Variants in NRAP observed in about 807,000 individuals in gnomAD.
The protein encoded by NRAP is nebulin-related-anchoring protein.
NRAP carries 189 observed loss-of-function variants against 225.9 expected under a neutral mutation model. The ratio of observed to expected loss-of-function variants is 0.84; its 90% CI spans 0.74 to 0.94. The LOEUF (loss-of-function observed/expected upper bound fraction) is 0.94. Among genes scored for constraint, NRAP ranks in the 40% least tolerant of loss-of-function variants. NRAP has a pLI of 0.00. For synonymous variants in NRAP, 769 were observed against 790.7 expected (o/e 0.97, Z 0.46); for missense variants, 2,176 against 2,168.7 (o/e 1.00, Z -0.07).
chr10:113,644,112 A>T (rs922172489), intron 11 of NRAP, among the ~76,000 whole-genome samples: 4 of 128,128 alleles, frequency 3.1e-5, no homozygotes, highest in Non-Finnish European at 4.7e-5. Flanking sequence ...GCGCCATTGC[A>T]CTCCAGCCTG....
intron 14 of NRAP, among the ~76,000 whole-genome samples, chr10:113,637,053 T>A (rs1417663957): frequency 6.7e-6 from 1 of 150,128 alleles, no homozygotes; most frequent in East Asian, 2.0e-4. Context: ...GAGAAATAGG[T>A]CTAATAGCCA....
intron 3 of NRAP, 110 bp from the exon 4 acceptor site, chr10:113,657,684 G>A (rs1850391830): frequency 7.1e-6 from 5 of 703,996 alleles, no homozygotes; most frequent in South Asian, 6.2e-5. Context: ...CAACTGCAAA[G>A]CATCTTCACT....
chr10:113,608,315 A>T (rs1313005440), intron 32 of NRAP, 99 bp downstream of exon 32: 1 of 712,692 alleles, frequency 1.4e-6, no homozygotes. Flanking sequence ...CCTCCACATA[A>T]ACACCCATGC....
At chr10:113,597,840 C>T (rs2133854934) in intron 36 of NRAP, 129 bp downstream of exon 36, 1 of 713,170 alleles carries the variant, frequency 1.4e-6, no homozygotes, top group Non-Finnish European at 2.6e-6. Context: ...TGCACATGGC[C>T]CTCCAAAAAT....
intron 35 of NRAP, among the ~76,000 whole-genome samples, chr10:113,598,724 G>A (rs1347173746): frequency 6.6e-6 from 1 of 152,202 alleles, no homozygotes; most frequent in South Asian, 2.1e-4. Context: ...GATGCCACCA[G>A]CTAATAGTGA....
Position 113,631,586 on chromosome 10 carries a change from T to G in NRAP, c.1765A>C (p.Lys589Gln), listed in dbSNP as rs780944722. The G allele has an allele frequency of 6.2e-7, 1 of 1,609,870 alleles. No individual in the cohort carries two copies. Among genetic ancestry groups the G allele is most frequent in the Non-Finnish European group, 8.5e-7 (1 of 1,176,542 alleles). ...SNIKYKEEYE[K>Q]TKGKAMGTAD... ...GTTCCCATGGCTTTGCCTTTTGTCT[T>G]TTCATATTCTTCTTTATATTTAATC... The change falls in exon 18 of 42, where the codon AAG becomes CAG. Residue 589 changes from lysine (K) to glutamine (Q), a missense_variant. Physicochemically the swap from Lys to Gln is moderately conservative, Grantham distance 53. Coordinates refer to ENST00000359988, the MANE Select transcript of NRAP (RefSeq NM_198060.4).
Position 113,654,103 on chromosome 10 carries a change from C to T in NRAP, c.383G>A (p.Gly128Glu), listed in dbSNP as rs1422066957. 7 of 1,612,590 alleles carry T rather than the reference C, an allele frequency of 4.3e-6. No homozygotes were observed. Among genetic ancestry groups the T allele is most frequent in the Non-Finnish European group, 5.1e-6 (6 of 1,178,788 alleles). The change falls in exon 5 of 42, where the codon GGG (glycine) becomes GAG (glutamate). Residue 128 changes from glycine to glutamate, a missense_variant. Around this residue, in one of 3 missense-constraint regions of NRAP, gnomAD observed 1,708 missense variants for 1,695.5 expected, o/e 1.01. Transcript: ENST00000359988. ...ANERAYWTGY[G>E]EGNAWCPGAL... The stretch of plus-strand genomic sequence containing the variant: ...TCCTGGGCACCAAGCATTCCCTTCC[C>T]CATATCCAGTCCAATAGGCTCTCTA...
At chr10:113,610,184 T>G (rs919996001) in intron 31 of NRAP, among the ~76,000 whole-genome samples, 2 of 151,840 alleles carry the variant, frequency 1.3e-5, no homozygotes, top group Non-Finnish European at 2.9e-5. Context: ...ACCCCATCTC[T>G]ACTAAAAATA....
In NRAP at chr10:113,650,184, T is replaced by A. The variant is rs780052678; in HGVS notation, c.784-43A>T. 5.7e-6 allele frequency: 7 copies of A among 1,234,278 alleles called. No homozygotes were observed. In the South Asian group the frequency reaches 8.4e-5, roughly 15 times the overall value. The allele number at this position is 1,234,278 out of a possible 1,614,324, so 76.5% of individuals were successfully genotyped here. On this transcript the variant is annotated intron_variant, in intron 8 of 41. Transcript: ENST00000359988. ...ACAAACTCGGTGAATTTGACTCCCA[T>A]GCACAGGAGCCAAAAGAGTAAAAGT...
In NRAP at chr10:113,645,944, G is replaced by T; in HGVS notation, c.994-3C>A. The T allele has an allele frequency of 8.0e-7, 1 of 1,247,880 alleles. No homozygotes were observed. The highest frequency in any genetic ancestry group is 1.1e-6 in the Non-Finnish European group (1 of 896,568). The allele number at this position is 1,247,880 out of a possible 1,614,324, so 77.3% of individuals were successfully genotyped here. The stretch of plus-strand genomic sequence containing the variant: ...TTGAAGTCCTGCCTGTATTTTATCT[G>T]AAAAAAAAAACACAAAACGGGGCTG... On this transcript the variant is annotated splice_polypyrimidine_tract_variant and splice_region_variant and intron_variant, in intron 10 of 41. Transcript: ENST00000359988.
chr10:113,647,944 G>A (rs529925320), intron 9 of NRAP, among the ~76,000 whole-genome samples: 30 of 152,290 alleles, frequency 2.0e-4, no homozygotes, highest in Non-Finnish European at 3.5e-4. Context: ...ATCACATGAC[G>A]GATAACCCCT....
At position 113,589,192 on chromosome 10, in the gene NRAP, C is replaced by T. The variant is rs569517338; in HGVS notation, c.5089-113G>A. The T allele has an allele frequency of 8.9e-5, 70 of 789,474 alleles. No homozygotes were observed. The East Asian group carries it at 1.8e-3, about 20-fold the overall frequency. The allele number at this position is 789,474 out of a possible 1,614,324, so 48.9% of individuals were successfully genotyped here. ...ACAGGGAGCATTTAACAGGCTCACC[C>T]TCCCTTTCCTTTTCCCCTCTTCTAC... is the stretch of plus-strand genomic sequence containing the variant. On this transcript the variant is annotated intron_variant, in intron 41 of 41. Transcript: ENST00000359988.
chr10:113,651,236 T>C (rs957071738), intron 7 of NRAP, among the ~76,000 whole-genome samples: 7 of 152,206 alleles, frequency 4.6e-5, no homozygotes, highest in Admixed American at 1.3e-4. Flanking sequence ...AAATGTCTCA[T>C]ACATTCTCCC....
chr10:113,646,261 C>T (rs1849500943), intron 10 of NRAP, among the ~76,000 whole-genome samples: 1 of 152,144 alleles, frequency 6.6e-6, no homozygotes, highest in Non-Finnish European at 1.5e-5. Flanking sequence ...CATCATTTCC[C>T]TGCTAATGAG....
intron 32 of NRAP, among the ~76,000 whole-genome samples, chr10:113,606,499 G>A (rs1846976056): frequency 6.6e-6 from 1 of 152,142 alleles, no homozygotes. Flanking sequence ...TGTAAGGAAT[G>A]GCAATGTGCT....
chr10:113,593,011 G>A (rs74631697), intron 38 of NRAP, among the ~76,000 whole-genome samples: 4 of 152,146 alleles, frequency 2.6e-5, no homozygotes, highest in East Asian at 1.9e-4. Context: ...CCACATCACC[G>A]ATAGAGGCAT....
intron 16 of NRAP, among the ~76,000 whole-genome samples, chr10:113,632,718 C>A (rs1185802803): frequency 1.3e-5 from 2 of 152,178 alleles, no homozygotes; most frequent in African/African-American, 2.4e-5. Context: ...CAATTCATAG[C>A]CCACTTGTGA....
At chr10:113,644,709 C>T (rs1214737563) in intron 11 of NRAP, among the ~76,000 whole-genome samples, 1 of 152,166 alleles carries the variant, frequency 6.6e-6, no homozygotes, top group African/African-American at 2.4e-5. Context: ...GCTGGTGACT[C>T]AGAGCAGCCC....
intron 9 of NRAP, among the ~76,000 whole-genome samples, chr10:113,648,459 C>CTA (rs1469246100): frequency 1.6e-5 from 2 of 126,910 alleles, no homozygotes; most frequent in African/African-American, 6.0e-5. Flanking sequence ...CTCTCTCTCT[C>CTA]TCTCTCTCTA....
Sources: gnomAD v4.1 joint callset for allele counts (sites outside exome capture counted in the v4.1 genomes callset) on GRCh38, gnomAD v4.1.1 for gene constraint, gnomAD v4.1.1 regional missense constraint, MANE v1.5 for transcripts, NCBI Gene and HGNC (gene_info 2026-07-23, HGNC 2026-07-21) for gene names.